The following XKR4 variants were observed in gnomAD, a reference collection of about 807,000 sequenced individuals.
The protein encoded by XKR4 is XK-related protein 4.
In XKR4, 12 loss-of-function variants were observed where a neutral mutation model predicts 53.9. That is an observed-to-expected ratio of 0.22 (90% confidence interval 0.14 to 0.36). XKR4 has a LOEUF of 0.36. Ranked by LOEUF, XKR4 falls within the 10% of genes least tolerant of loss-of-function variation. XKR4 has a pLI of 1.00. For synonymous variants in XKR4, 354 were observed against 362.4 expected (o/e 0.98, Z 0.26); for missense variants, 799 against 859.5 (o/e 0.93, Z 0.88).
At chr8:55,342,394 T>C (rs138230864) in intron 1 of XKR4, among the ~76,000 whole-genome samples, 85 of 152,234 alleles carry the variant, frequency 5.6e-4, no homozygotes, top group African/African-American at 1.9e-3. Context: ...CTTCATGCCA[T>C]TCTCAGCACA....
chr8:55,334,753 G>C (rs1315288203), intron 1 of XKR4, among the ~76,000 whole-genome samples: 1 of 152,168 alleles, frequency 6.6e-6, no homozygotes, highest in African/African-American at 2.4e-5. Context: ...GTGGGCCATT[G>C]CTAGAATTAC....
At chr8:55,298,812 CACAT>C (rs1335088458) in intron 1 of XKR4, among the ~76,000 whole-genome samples, 5 of 152,094 alleles carry the variant, frequency 3.3e-5, no homozygotes, top group African/African-American at 1.2e-4. Context: ...CAAATATAAA[CACAT>C]ATATGTGTGT....
rs926681683 is a variant in XKR4, at chr8:55,449,601, T to C, written c.1007-73680T>C. ...CAAAAGTCGTAAACGCGAGGAGTTG[T>C]CTTCACGTCAAAGAAGGCCTTCTCA... is the stretch of plus-strand genomic sequence containing the variant. On this transcript the variant is annotated intron_variant, in intron 2 of 2. Coordinates refer to ENST00000327381, the MANE Select transcript of XKR4 (RefSeq NM_052898.2). The C allele has an allele frequency of 5.8e-6, 7 of 1,212,514 alleles. No individual in the cohort carries two copies. The African/African-American group carries it at 8.9e-5, about 15-fold the overall frequency. 75.1% of individuals were successfully genotyped at this position (1,212,514 alleles called of 1,614,324 possible).
At chr8:55,508,234 C>G (rs563368229) in intron 2 of XKR4, among the ~76,000 whole-genome samples, 1 of 152,070 alleles carries the variant, frequency 6.6e-6, no homozygotes, top group Non-Finnish European at 1.5e-5. Context: ...GTGTTTTATA[C>G]GGTCTGTCCT....
Position 55,216,450 on chromosome 8 carries a change from G to A in XKR4, c.806+113156G>A, listed in dbSNP as rs118072518. Among the ~76,000 whole-genome samples the A allele has an allele frequency of 8.7e-3, 1,325 of 152,280 alleles. 14 individuals carry two copies. Among genetic ancestry groups the A allele is most frequent in the Middle Eastern group, 0.031 (9 of 294 alleles). On this transcript the variant is annotated intron_variant, in intron 1 of 2. Transcript: ENST00000327381. ...TAATAAAAATTGTTAGCCACAGACC[G>A]GGCATGGTGGCTCACGCCTGTAATC...
chr8:55,471,907 C>G (rs1382314208), intron 2 of XKR4, among the ~76,000 whole-genome samples: 4 of 152,124 alleles, frequency 2.6e-5, no homozygotes, highest in Non-Finnish European at 5.9e-5. Context: ...TCCTGTACAG[C>G]CTGCAGAACT....
chr8:55,346,283 A>C (rs1803639987), intron 1 of XKR4, among the ~76,000 whole-genome samples: 1 of 151,924 alleles, frequency 6.6e-6, no homozygotes, highest in Non-Finnish European at 1.5e-5. Context: ...GACTGGCTTC[A>C]CCATGTTGGC....
chr8:55,519,477 T>A (rs970795338), intron 2 of XKR4, among the ~76,000 whole-genome samples: 6 of 151,548 alleles, frequency 4.0e-5, no homozygotes, highest in Non-Finnish European at 4.4e-5. Context: ...TAGGAACACC[T>A]TTTTTTTTCT....
intron 2 of XKR4, among the ~76,000 whole-genome samples, chr8:55,482,136 G>A (rs998564760): frequency 2.6e-5 from 4 of 152,042 alleles, no homozygotes; most frequent in Non-Finnish European, 5.9e-5. Flanking sequence ...GCAAAGACTT[G>A]GAACCAACCC....
intron 1 of XKR4, among the ~76,000 whole-genome samples, chr8:55,209,271 G>T (rs954693318): frequency 4.6e-5 from 7 of 151,710 alleles, no homozygotes; most frequent in Non-Finnish European, 8.8e-5. Context: ...CTAGAGGCAT[G>T]CACTGAGCTC....
At chr8:55,435,556 T>C (rs541202646) in intron 2 of XKR4, among the ~76,000 whole-genome samples, 21 of 148,458 alleles carry the variant, frequency 1.4e-4, no homozygotes, top group Non-Finnish European at 1.9e-4. Context: ...CAACCTCTTT[T>C]TTTTTTTATT....
At chr8:55,305,578 TTATC>T (rs1488811616) in intron 1 of XKR4, among the ~76,000 whole-genome samples, 1 of 152,190 alleles carries the variant, frequency 6.6e-6, no homozygotes, top group East Asian at 1.9e-4. Flanking sequence ...TTTTTAGACT[TTATC>T]TATGTAAATT....
intron 1 of XKR4, among the ~76,000 whole-genome samples, chr8:55,136,711 G>A (rs1034710387): frequency 6.6e-6 from 1 of 152,124 alleles, no homozygotes; most frequent in Non-Finnish European, 1.5e-5. Context: ...TTAACAAATT[G>A]GTTATGCTTC....
At chr8:55,507,881 G>A (rs1806567882) in intron 2 of XKR4, among the ~76,000 whole-genome samples, 1 of 152,170 alleles carries the variant, frequency 6.6e-6, no homozygotes, top group Non-Finnish European at 1.5e-5. Context: ...GGATGACTGA[G>A]TCAAATGGTA....
intron 2 of XKR4, among the ~76,000 whole-genome samples, chr8:55,445,356 C>T (rs928231291): frequency 6.6e-6 from 1 of 152,134 alleles, no homozygotes; most frequent in Non-Finnish European, 1.5e-5. Flanking sequence ...CATGCCCGGC[C>T]ACATGTGTGA....
chr8:55,237,538 G>A (rs1415597741), intron 1 of XKR4, among the ~76,000 whole-genome samples: 3 of 152,178 alleles, frequency 2.0e-5, no homozygotes, highest in African/African-American at 7.2e-5. Context: ...AGGAAGAGGA[G>A]GGTCTCAGGG....
At chr8:55,141,970 C>T (rs1398202629) in intron 1 of XKR4, among the ~76,000 whole-genome samples, 1 of 152,094 alleles carries the variant, frequency 6.6e-6, no homozygotes, top group Non-Finnish European at 1.5e-5. Context: ...CCCCAGGCCC[C>T]GCCTCTCTAT....
intron 1 of XKR4, among the ~76,000 whole-genome samples, chr8:55,234,937 G>A (rs1353961629): frequency 6.6e-6 from 1 of 152,148 alleles, no homozygotes; most frequent in Non-Finnish European, 1.5e-5. Flanking sequence ...GTGTTCAATG[G>A]GCAAGGGCAT....
At chr8:55,384,216 G>A (rs988457745) in intron 2 of XKR4, among the ~76,000 whole-genome samples, 1 of 152,180 alleles carries the variant, frequency 6.6e-6, no homozygotes, top group Non-Finnish European at 1.5e-5. Context: ...ACAGGAGCTC[G>A]GAGGCTAAGT....
Sources: allele counts gnomAD v4.1 joint callset (sites outside exome capture counted in the v4.1 genomes callset), GRCh38; gene constraint gnomAD v4.1.1; transcripts MANE v1.5; gene names NCBI Gene and HGNC (gene_info 2026-07-23, HGNC 2026-07-21).